ARSG: variants seen among roughly 807,000 people sequenced by gnomAD.
The protein encoded by ARSG is arylsulfatase G, also known as ASG.
A neutral mutation model predicts 50.5 loss-of-function variants in ARSG; 37 were observed. The ratio of observed to expected loss-of-function variants is 0.73; its 90% CI spans 0.56 to 0.96. The LOEUF (loss-of-function observed/expected upper bound fraction) is 0.96. Among genes scored for constraint, ARSG ranks in the 50% least tolerant of loss-of-function variants. The probability of loss-of-function intolerance (pLI) is 0.00; values close to 1 mark genes in which losing one functional copy is unlikely to be tolerated. For synonymous variants in ARSG, 225 were observed against 254.6 expected, an observed-to-expected ratio of 0.88 and a Z score of 1.11; for missense variants, 629 against 675.3, an observed-to-expected ratio of 0.93 and a Z score of 0.76.
In ARSG at chr17:68,420,305, G is replaced by A; in HGVS notation, c.1420G>A (p.Glu474Lys). Residue 474 changes from glutamate (E) to lysine (K), a missense_variant, in exon 12 of 12, where the codon GAG (glutamate) becomes AAG (lysine). Transcript: ENST00000621439. ...EAVPLERGGA[E>K]YQAVLPEVRK... Reference sequence around the variant, plus strand: ...TGTGCCCCTAGAAAGAGGTGGTGCGGAGTACCAGGCTGTGCTGCCCGAGGT... The same window carrying A: ...TGTGCCCCTAGAAAGAGGTGGTGCGAAGTACCAGGCTGTGCTGCCCGAGGT... The A allele has an allele frequency of 1.9e-6, 3 of 1,614,122 alleles. No homozygotes were observed. The highest frequency in any genetic ancestry group is 2.5e-6 in the Non-Finnish European group (3 of 1,180,020).
At chr17:68,447,854 G>A in the ARSG span, among the ~76,000 whole-genome samples, 6,145 of 151,912 alleles carry the variant, frequency 0.04, 207 homozygotes, top group Non-Finnish European at 0.058. Context: ...TTAGCCGGGC[G>A]TGGTGGCAGG....
chr17:68,277,751 T>C (rs1460721530), intron 1 of ARSG, among the ~76,000 whole-genome samples: 2 of 152,180 alleles, frequency 1.3e-5, no homozygotes, highest in African/African-American at 4.8e-5. Flanking sequence ...TGTTGCTTCT[T>C]AGACAGTGAC....
At chr17:68,433,784 T>TG in the ARSG span, among the ~76,000 whole-genome samples, 5 of 86,936 alleles carry the variant, frequency 5.8e-5, no homozygotes, top group African/African-American at 2.0e-4. Context: ...TTTTTTTTTT[T>TG]TTTTTTTTTT....
Position 68,298,031 on chromosome 17 carries a change from A to G in ARSG, c.-552+6463A>G, listed in dbSNP as rs577316089. On this transcript the variant is annotated intron_variant, in intron 1 of 11. Coordinates refer to ENST00000621439, the MANE Select transcript of ARSG (RefSeq NM_001267727.2). The stretch of plus-strand genomic sequence containing the variant: ...AGGCCAAAACTCCATTTTTCAGGTA[A>G]GGGAGGAAACTGAGACACAAAGAGA... Among the ~76,000 whole-genome samples, 99 of 150,074 alleles carry G rather than the reference A, an allele frequency of 6.6e-4. 1 individual carries two copies. Among genetic ancestry groups the G allele is most frequent in the Non-Finnish European group, 2.2e-4 (15 of 67,804 alleles).
At chr17:68,429,679 C>G in the ARSG span, among the ~76,000 whole-genome samples, 17 of 152,186 alleles carry the variant, frequency 1.1e-4, no homozygotes, top group African/African-American at 3.9e-4. Context: ...ACCTCCGCCT[C>G]CTGGGTTCAA....
At chr17:68,294,796 T>C (rs1255910679) in intron 1 of ARSG, among the ~76,000 whole-genome samples, 2 of 152,156 alleles carry the variant, frequency 1.3e-5, no homozygotes, top group Non-Finnish European at 2.9e-5. Context: ...GAACCGATGG[T>C]ACAGGTAGTT....
At chr17:68,303,095 A>G (rs2076480101) in intron 1 of ARSG, among the ~76,000 whole-genome samples, 1 of 152,134 alleles carries the variant, frequency 6.6e-6, no homozygotes, top group African/African-American at 2.4e-5. Flanking sequence ...GCTAGATGCA[A>G]TCAAATGCTT....
chr17:68,336,790 T>C (rs1435817665), intron 2 of ARSG, among the ~76,000 whole-genome samples: 1 of 151,856 alleles, frequency 6.6e-6, no homozygotes, highest in Non-Finnish European at 1.5e-5. Flanking sequence ...GAGGTGGAGG[T>C]TGCAGTGAGC....
chr17:68,304,794 T>G (rs565284935), intron 1 of ARSG, among the ~76,000 whole-genome samples: 46 of 152,352 alleles, frequency 3.0e-4, no homozygotes, highest in African/African-American at 1.1e-3. Flanking sequence ...CCTCCCAAAG[T>G]GTTGGGATTA....
chr17:68,450,080 C>T, the ARSG span, among the ~76,000 whole-genome samples: 6 of 152,168 alleles, frequency 3.9e-5, no homozygotes, highest in Non-Finnish European at 8.8e-5. Context: ...ACCCCCAATA[C>T]TTACTGAATA....
At chr17:68,291,681 G>C (rs1223046949) in intron 1 of ARSG, 113 bp downstream of exon 1, 4 of 151,724 alleles carry the variant, frequency 2.6e-5, no homozygotes. Context: ...GACCCGCCCA[G>C]ACCCCGGAGC....
At chr17:68,279,785 A>G (rs1217682069) in intron 1 of ARSG, among the ~76,000 whole-genome samples, 4 of 152,206 alleles carry the variant, frequency 2.6e-5, no homozygotes, top group African/African-American at 9.7e-5. Flanking sequence ...TATACTTTGA[A>G]ACAGTCATGT....
Position 68,271,100 on chromosome 17 carries a change from C to A in ARSG, c.-552+11674C>A. Reference sequence around the variant, plus strand: ...TCAATGTAAATCTTACGAATGGGCTCCCTGTTGAGGACAAAACCAGCTCCG... The same window carrying A: ...TCAATGTAAATCTTACGAATGGGCTACCTGTTGAGGACAAAACCAGCTCCG... On this transcript the variant is annotated intron_variant, in intron 1 of 11. Transcript: ENST00000448504. This position sits in a 1 kb window ranked among gnomAD's most constrained non-coding sequence, Gnocchi z 5.3. 2 of 1,614,182 alleles carry A rather than the reference C, an allele frequency of 1.2e-6. No individual in the cohort carries two copies. Among genetic ancestry groups the A allele is most frequent in the Non-Finnish European group, 1.7e-6 (2 of 1,180,046 alleles).
rs369056531 is a variant in ARSG, at chr17:68,376,178, T to C, written c.982+5654T>C. Among the ~76,000 whole-genome samples the C allele has an allele frequency of 1.4e-4, 21 of 150,612 alleles. No homozygotes were observed. In the East Asian group the frequency reaches 2.0e-3, roughly 14 times the overall value. On this transcript the variant is annotated intron_variant, in intron 8 of 11. Coordinates refer to ENST00000621439, the MANE Select transcript of ARSG (RefSeq NM_001267727.2). ...AGGCTGGAGTGCAATGGCGCGATCA[T>C]AGCTCATTGCAGCCTCAAACTCCTG...
chr17:68,304,382 A>G (rs1009412676), intron 1 of ARSG, among the ~76,000 whole-genome samples: 2 of 152,234 alleles, frequency 1.3e-5, no homozygotes, highest in Non-Finnish European at 2.9e-5. Flanking sequence ...CTTTTGGGAA[A>G]CAGAAGAATT....
intron 1 of ARSG, chr17:68,273,984 C>T (rs782475430): frequency 4.3e-6 from 7 of 1,614,158 alleles, no homozygotes; most frequent in Non-Finnish European, 4.2e-6. Context: ...AAGGAGGCGG[C>T]CACCATCCCG....
the ARSG span, chr17:68,430,154 T>G: frequency 2.5e-6 from 4 of 1,612,652 alleles, no homozygotes; most frequent in African/African-American, 1.3e-5. Flanking sequence ...AAGGCTCTTC[T>G]GGTCGACTAG....
intron 2 of ARSG, among the ~76,000 whole-genome samples, chr17:68,339,850 G>A (rs1454171752): frequency 6.6e-6 from 1 of 152,144 alleles, no homozygotes; most frequent in African/African-American, 2.4e-5. Flanking sequence ...ATTTTATAAG[G>A]TGGGGATCGC....
chr17:68,369,916 G>A (rs1180485709), intron 7 of ARSG, among the ~76,000 whole-genome samples: 4 of 152,170 alleles, frequency 2.6e-5, no homozygotes, highest in Non-Finnish European at 5.9e-5. Context: ...ACTGGGTTGG[G>A]GCAGGAAAAG....
Sources: gnomAD v4.1 joint callset for allele counts (sites outside exome capture counted in the v4.1 genomes callset) on GRCh38, gnomAD v4.1.1 for gene constraint, Gnocchi (gnomAD v3.1) non-coding constraint, MANE v1.5 for transcripts, NCBI Gene and HGNC (gene_info 2026-07-23, HGNC 2026-07-21) for gene names.